The following EXOC6 variants were observed in gnomAD, a reference collection of about 807,000 sequenced individuals.
EXOC6 encodes SEC15-like 1.
Under a neutral mutation model 112.5 loss-of-function variants are expected in EXOC6, and 60 were observed. The ratio of observed to expected loss-of-function variants is 0.53; its 90% CI spans 0.43 to 0.66. EXOC6 has a LOEUF of 0.66. EXOC6 is among the 30% of genes least tolerant of loss of function. EXOC6 has a pLI of 0.00. For synonymous variants in EXOC6, 295 were observed against 308.0 expected (o/e 0.96, Z 0.44); for missense variants, 855 against 957.1 (o/e 0.89, Z 1.41).
chr10:92,851,006 C>A (rs1300891496), intron 1 of EXOC6, among the ~76,000 whole-genome samples: 2 of 152,034 alleles, frequency 1.3e-5, no homozygotes, highest in African/African-American at 4.8e-5. Flanking sequence ...AATATTTGGT[C>A]ATTGACTAAC....
At chr10:93,016,917 A>G (rs1844549936) in intron 20 of EXOC6, among the ~76,000 whole-genome samples, 2 of 151,906 alleles carry the variant, frequency 1.3e-5, no homozygotes, top group South Asian at 2.1e-4. Context: ...GGTTCAAGCA[A>G]TTCTCCTGCC....
At chr10:92,970,450 C>T (rs1016758842) in intron 17 of EXOC6, among the ~76,000 whole-genome samples, 3 of 152,190 alleles carry the variant, frequency 2.0e-5, no homozygotes, top group African/African-American at 7.2e-5. Flanking sequence ...AGGACTTCAG[C>T]ATCTGCAGAT....
chr10:92,879,118 G>A (rs1057234822), intron 1 of EXOC6, among the ~76,000 whole-genome samples: 1 of 152,080 alleles, frequency 6.6e-6, no homozygotes, highest in African/African-American at 2.4e-5. Context: ...ATCTTTTTAA[G>A]CATTAACTTT....
intron 20 of EXOC6, among the ~76,000 whole-genome samples, chr10:93,048,399 T>C (rs1416082893): frequency 6.6e-6 from 1 of 152,042 alleles, no homozygotes; most frequent in African/African-American, 2.4e-5. Context: ...AAAAAATTGA[T>C]AAGAATTTAT....
At chr10:92,985,898 C>A (rs976422014) in intron 18 of EXOC6, among the ~76,000 whole-genome samples, 1 of 152,004 alleles carries the variant, frequency 6.6e-6, no homozygotes, top group Non-Finnish European at 1.5e-5. Context: ...ACAAGGATTG[C>A]AATTTTTAAA....
intron 19 of EXOC6, among the ~76,000 whole-genome samples, chr10:93,012,861 T>C (rs1345891386): frequency 6.6e-6 from 1 of 151,812 alleles, no homozygotes; most frequent in Non-Finnish European, 1.5e-5. Flanking sequence ...CAATACCCTA[T>C]CTCTACCAAA....
intron 20 of EXOC6, among the ~76,000 whole-genome samples, chr10:93,038,276 C>A (rs1201787404): frequency 3.3e-5 from 5 of 152,000 alleles, no homozygotes; most frequent in African/African-American, 1.2e-4. Flanking sequence ...AAATAATATT[C>A]CCTAGACAAC....
intron 17 of EXOC6, among the ~76,000 whole-genome samples, chr10:92,966,446 C>T (rs1198623420): frequency 1.4e-4 from 15 of 107,128 alleles, no homozygotes; most frequent in African/African-American, 4.7e-4. Flanking sequence ...CCTCCCCCCA[C>T]CCCACATCAG....
chr10:92,979,331 A>G (rs560526101), intron 18 of EXOC6, among the ~76,000 whole-genome samples: 2 of 152,278 alleles, frequency 1.3e-5, no homozygotes, highest in South Asian at 4.1e-4. Flanking sequence ...GGCTAATCAG[A>G]ATATTTTCTT....
At chr10:92,952,505 T>C (rs965173262) in intron 15 of EXOC6, 123 bp downstream of exon 15, 6 of 678,092 alleles carry the variant, frequency 8.8e-6, no homozygotes, top group East Asian at 8.3e-5. Flanking sequence ...ACATGTTTGT[T>C]ATAGGGGCAT....
chr10:92,863,368 C>T (rs1204943643), intron 1 of EXOC6, among the ~76,000 whole-genome samples: 1 of 152,188 alleles, frequency 6.6e-6, no homozygotes, highest in Non-Finnish European at 1.5e-5. Context: ...ACTAGAGTAG[C>T]ACATCCAACA....
At chr10:92,874,529 T>C (rs1278678080) in intron 1 of EXOC6, among the ~76,000 whole-genome samples, 1 of 152,192 alleles carries the variant, frequency 6.6e-6, no homozygotes, top group African/African-American at 2.4e-5. Context: ...GATGAAGGTG[T>C]CTGTAAACCT....
At chr10:92,912,344 G>A (rs1347261903) in intron 6 of EXOC6, among the ~76,000 whole-genome samples, 1 of 152,088 alleles carries the variant, frequency 6.6e-6, no homozygotes. Context: ...TTCCCAGGCG[G>A]ATCAGCAGGT....
At chr10:93,036,270 G>C (rs1845512306) in intron 20 of EXOC6, among the ~76,000 whole-genome samples, 1 of 151,570 alleles carries the variant, frequency 6.6e-6, no homozygotes, top group African/African-American at 2.4e-5. Context: ...CTCCTCTTCA[G>C]TCTTTCACAG....
intron 1 of EXOC6, among the ~76,000 whole-genome samples, chr10:92,869,456 A>G (rs12761111): frequency 6.6e-5 from 10 of 152,204 alleles, no homozygotes; most frequent in Admixed American, 2.6e-4. Context: ...CTATAGGCAC[A>G]TGCCACCATA....
At chr10:92,850,102 TGA>T (rs1847250687) in intron 1 of EXOC6, among the ~76,000 whole-genome samples, 1 of 152,186 alleles carries the variant, frequency 6.6e-6, no homozygotes, top group Admixed American at 6.6e-5. Flanking sequence ...ATCTTGAAAC[TGA>T]GAGTGCAGTG....
At chr10:92,879,869 A>G (rs1380060900) in intron 1 of EXOC6, among the ~76,000 whole-genome samples, 1 of 152,200 alleles carries the variant, frequency 6.6e-6, no homozygotes, top group East Asian at 1.9e-4. Flanking sequence ...ATACTTACCC[A>G]TAGGAGCCTG....
At chr10:92,853,390 A>G (rs953285897) in intron 1 of EXOC6, among the ~76,000 whole-genome samples, 1 of 152,210 alleles carries the variant, frequency 6.6e-6, no homozygotes, top group Non-Finnish European at 1.5e-5. Flanking sequence ...GAAATTGACA[A>G]GCTGATTCTA....
intron 4 of EXOC6, among the ~76,000 whole-genome samples, chr10:92,896,059 G>A (rs1381873397): frequency 2.2e-4 from 14 of 64,220 alleles, no homozygotes; most frequent in South Asian, 1.9e-3. Context: ...ATATATATGT[G>A]TATATATATG....
Sources: allele counts gnomAD v4.1 joint callset (sites outside exome capture counted in the v4.1 genomes callset), GRCh38; gene constraint gnomAD v4.1.1; transcripts MANE v1.5; gene names NCBI Gene and HGNC (gene_info 2026-07-23, HGNC 2026-07-21).